The following MTRR variants were observed in gnomAD, a reference collection of about 807,000 sequenced individuals.
The protein encoded by MTRR is methionine synthase reductase.
In MTRR, 63 loss-of-function variants were observed where a neutral mutation model predicts 79.2. That is an observed-to-expected ratio of 0.80 (90% confidence interval 0.65 to 0.98). The LOEUF (loss-of-function observed/expected upper bound fraction) is 0.98. Among genes scored for constraint, MTRR ranks in the 50% least tolerant of loss-of-function variants. The pLI is 0.00. For synonymous variants in MTRR, 355 were observed against 313.3 expected (o/e 1.13, Z -1.41); for missense variants, 895 against 839.6 (o/e 1.07, Z -0.82).
rs771299380 is a variant in MTRR at position 7,870,894 on chromosome 5, G to C, written c.100G>C (p.Asp34His). The C allele has an allele frequency of 3.7e-6, 6 of 1,614,250 alleles. No homozygotes were observed. The highest frequency in any genetic ancestry group is 5.1e-6 in the Non-Finnish European group (6 of 1,180,040). The part of the protein sequence containing the change: ...EQAVVHGFSA[D>H]LHCISESDKY... ...AGCTGTGGTACATGGATTTTCTGCA[G>C]ATCTTCACTGTATTAGTGAATCCGA... The change falls in exon 2 of 15, where the codon GAT (aspartate) becomes CAT (histidine). Residue 34 changes from aspartate to histidine, a missense_variant. Asp to His is a moderately conservative substitution (Grantham distance 81). Transcript: ENST00000440940.
chr5:7,870,724 G>T (rs1240646183), intron 1 of MTRR, 46 bp from the exon 2 acceptor site: 4 of 1,594,514 alleles, frequency 2.5e-6, no homozygotes, highest in African/African-American at 2.7e-5. Context: ...TCTTTAGGTT[G>T]TTACTGCTTC....
In MTRR at chr5:7,891,355, T is replaced by C. The variant is rs758246361; in HGVS notation, c.1328-17T>C. On this transcript the variant is annotated splice_polypyrimidine_tract_variant and intron_variant, in intron 9 of 14. Transcript: ENST00000440940. ...GTAGTAGTGAATTAATAATTGCTTG[T>C]TTTTATTTTTTTCTAGAACATCTTC... The C allele has an allele frequency of 2.5e-6, 4 of 1,585,988 alleles. No individual in the cohort carries two copies. In the South Asian group the frequency reaches 3.3e-5, roughly 13 times the overall value.
chr5:7,892,031 C>T (rs1424179426), intron 10 of MTRR, among the ~76,000 whole-genome samples: 2 of 151,952 alleles, frequency 1.3e-5, no homozygotes, highest in African/African-American at 4.8e-5. Flanking sequence ...GACAGTGATA[C>T]CCTGTCTCAA....
chr5:7,870,938 A>G lies in MTRR; in HGVS notation c.129+15A>G, dbSNP rs1324036507. On this transcript the variant is annotated intron_variant, in intron 2 of 14. Coordinates refer to ENST00000440940, the MANE Select transcript of MTRR (RefSeq NM_002454.3). ...AATCCGATAAGGTTAGAGCCGTTAC[A>G]GTGGATTTTACCGTTTTGTGCTTTG... 2 of 1,614,046 alleles carry G rather than the reference A, an allele frequency of 1.2e-6. No individual in the cohort carries two copies. Among genetic ancestry groups the G allele is most frequent in the Admixed American group, 3.3e-5 (2 of 60,016 alleles).
intron 8 of MTRR, among the ~76,000 whole-genome samples, chr5:7,887,801 T>C (rs1219238672): frequency 0.019 from 502 of 25,860 alleles, 4 homozygotes; most frequent in Admixed American, 0.034. Flanking sequence ...TGCATATATA[T>C]ATATATATAT....
At chr5:7,882,942 T>C (rs1735802472) in intron 5 of MTRR, among the ~76,000 whole-genome samples, 1 of 152,244 alleles carries the variant, frequency 6.6e-6, no homozygotes, top group Non-Finnish European at 1.5e-5. Flanking sequence ...ATTTCAGAAA[T>C]TCTAATGTCT....
At chr5:7,850,943 C>A, upstream of MTRR, 1 of 1,345,716 alleles carries the variant, frequency 7.4e-7, no homozygotes, top group Non-Finnish European at 9.6e-7. Flanking sequence ...TAGCTGAAGG[C>A]GGACTGCGCC....
At chr5:7,852,596 G>T (rs566364533) in intron 1 of MTRR, among the ~76,000 whole-genome samples, 1 of 152,150 alleles carries the variant, frequency 6.6e-6, no homozygotes, top group South Asian at 2.1e-4. Context: ...ACATATCCCT[G>T]GTGCTTGGAG....
At chr5:7,899,873 T>C in intron 14 of MTRR, 41 bp from the exon 15 acceptor site, 1 of 1,613,184 alleles carries the variant, frequency 6.2e-7, no homozygotes, top group Non-Finnish European at 8.5e-7. Flanking sequence ...TTACTAAAAA[T>C]GCCTGTTTGT....
chr5:7,870,875 G>C lies in MTRR; in HGVS notation c.81G>C (p.Val27=), dbSNP rs1361273528. The change falls in exon 2 of 15, where the codon GTG becomes GTC. Residue 27 remains valine (V), a synonymous_variant. Transcript: ENST00000440940. The stretch of plus-strand genomic sequence containing the variant: ...CAGAAGAAATATGTGAGCAAGCTGT[G>C]GTACATGGATTTTCTGCAGATCTTC... ...AIAEEICEQA[V]VHGFSADLHC... is the part of the protein sequence containing the mutation. 1 of 1,614,100 alleles carries C rather than the reference G, an allele frequency of 6.2e-7. No homozygotes were observed. The highest frequency in any genetic ancestry group is 2.2e-5 in the East Asian group (1 of 44,874).
intron 9 of MTRR, 128 bp from the exon 10 acceptor site, chr5:7,891,243 GA>G: frequency 1.5e-6 from 1 of 646,062 alleles, no homozygotes; most frequent in Non-Finnish European, 2.6e-6. Context: ...GCTTAACTAT[GA>G]TTTAAAACTA....
At chr5:7,888,902 T>A (rs575216578) in intron 8 of MTRR, among the ~76,000 whole-genome samples, 193 bp from the exon 9 acceptor site, 2 of 152,320 alleles carry the variant, frequency 1.3e-5, no homozygotes, top group East Asian at 3.9e-4. Flanking sequence ...TTATTTATAT[T>A]GTGGAATTTT....
intron 1 of MTRR, 79 bp downstream of exon 1, chr5:7,869,294 C>T: frequency 6.4e-7 from 1 of 1,550,954 alleles, no homozygotes; most frequent in Non-Finnish European, 8.8e-7. Context: ...CGGCCCGGGG[C>T]GGGGGTGGGC....
chr5:7,859,552 A>G (rs1561089350), intron 1 of MTRR: 2 of 1,540,308 alleles, frequency 1.3e-6, no homozygotes, highest in Non-Finnish European at 1.8e-6. Context: ...GTAAAGGTAG[A>G]AAAGTAAAAC....
chr5:7,859,273 C>A, intron 1 of MTRR: 1 of 397,380 alleles, frequency 2.5e-6, no homozygotes, highest in Non-Finnish European at 4.5e-6. Flanking sequence ...TAAATTTTAC[C>A]ACAATAAATG....
upstream of MTRR, chr5:7,866,638 C>A: frequency 6.4e-7 from 1 of 1,559,112 alleles, no homozygotes; most frequent in South Asian, 1.2e-5. Context: ...AATTTATAAC[C>A]AACTCACCTT....
At chr5:7,883,422 TTG>T (rs1735897749) in intron 6 of MTRR, 145 bp downstream of exon 6, 1 of 993,956 alleles carries the variant, frequency 1.0e-6, no homozygotes, top group Non-Finnish European at 1.5e-6. Flanking sequence ...ATGTGCTGAG[TTG>T]TGTGGTGCTT....
upstream of MTRR, chr5:7,867,117 C>G (rs763871830): frequency 1.2e-6 from 2 of 1,614,102 alleles, no homozygotes; most frequent in South Asian, 1.1e-5. Flanking sequence ...ACATGCCTCA[C>G]GACATATTTG....
intron 5 of MTRR, among the ~76,000 whole-genome samples, chr5:7,878,546 T>C (rs1402130603): frequency 6.6e-6 from 1 of 152,258 alleles, no homozygotes; most frequent in Non-Finnish European, 1.5e-5. Flanking sequence ...GCAGAGTTAG[T>C]GGTTACCACA....
Sources: gnomAD v4.1 joint callset for allele counts (sites outside exome capture counted in the v4.1 genomes callset) on GRCh38, gnomAD v4.1.1 for gene constraint, MANE v1.5 for transcripts, NCBI Gene and HGNC (gene_info 2026-07-23, HGNC 2026-07-21) for gene names.